Variants in RIPOR2 observed in about 807,000 individuals in gnomAD.
RIPOR2 encodes RHO family interacting cell polarization regulator 2.
Under a neutral mutation model 114.5 loss-of-function variants are expected in RIPOR2, and 39 were observed. That is an observed-to-expected ratio of 0.34 (90% CI 0.26 to 0.44). The LOEUF (loss-of-function observed/expected upper bound fraction) is 0.44. RIPOR2 is among the 20% of genes least tolerant of loss of function. RIPOR2 has a pLI of 1.00. For missense variants in RIPOR2, 1,007 were observed against 1,255.1 expected (o/e 0.80, Z 2.99); for synonymous variants, 445 against 484.4 (o/e 0.92, Z 1.07).
intron 1 of RIPOR2, among the ~76,000 whole-genome samples, chr6:24,903,628 T>C (rs111971979): frequency 1.3e-5 from 2 of 152,158 alleles, no homozygotes; most frequent in African/African-American, 4.8e-5. Flanking sequence ...GGGTACACAG[T>C]AGGTGTGTAT....
intron 12 of RIPOR2, among the ~76,000 whole-genome samples, chr6:24,846,580 A>G (rs182575939): frequency 3.3e-5 from 5 of 152,218 alleles, no homozygotes; most frequent in African/African-American, 9.6e-5. Context: ...TGCTGGGATT[A>G]TAGGTGTGAG....
chr6:24,930,371 A>G (rs1157660184), intron 1 of RIPOR2, among the ~76,000 whole-genome samples: 2 of 152,218 alleles, frequency 1.3e-5, no homozygotes, highest in Non-Finnish European at 1.5e-5. Context: ...TGCTGCTCAT[A>G]GAGATATTAA....
At chr6:24,998,582 A>C (rs1263261748) in intron 1 of RIPOR2, among the ~76,000 whole-genome samples, 2 of 152,188 alleles carry the variant, frequency 1.3e-5, no homozygotes, top group Admixed American at 6.5e-5. Flanking sequence ...AAAGCCTTTC[A>C]ACGTCTCTCC....
At chr6:24,992,582 A>G (rs1774869807) in intron 1 of RIPOR2, among the ~76,000 whole-genome samples, 1 of 152,216 alleles carries the variant, frequency 6.6e-6, no homozygotes, top group South Asian at 2.1e-4. Flanking sequence ...AGACACAAAT[A>G]GAAAAAATCT....
At chr6:24,947,533 G>C (rs958663171) in intron 1 of RIPOR2, among the ~76,000 whole-genome samples, 1 of 152,204 alleles carries the variant, frequency 6.6e-6, no homozygotes, top group Non-Finnish European at 1.5e-5. Flanking sequence ...CCTGTGGACC[G>C]AATTATGGAA....
At chr6:25,013,915 T>C (rs1302530006) in intron 1 of RIPOR2, among the ~76,000 whole-genome samples, 2 of 152,140 alleles carry the variant, frequency 1.3e-5, no homozygotes, top group African/African-American at 4.8e-5. Flanking sequence ...TTTAAAAGAT[T>C]ATGGAGTGAG....
intron 1 of RIPOR2, among the ~76,000 whole-genome samples, chr6:24,921,533 A>G (rs2114107631): frequency 6.6e-6 from 1 of 151,776 alleles, no homozygotes. Context: ...CTCTCCCCAG[A>G]CCTCCATATG....
intron 1 of RIPOR2, among the ~76,000 whole-genome samples, chr6:24,915,276 TC>T (rs1268777039): frequency 6.6e-6 from 1 of 152,102 alleles, no homozygotes. Flanking sequence ...AATAGTATAA[TC>T]TTTTGGCCTC....
At chr6:25,039,349 C>A (rs958420500) in intron 1 of RIPOR2, among the ~76,000 whole-genome samples, 2 of 152,172 alleles carry the variant, frequency 1.3e-5, no homozygotes, top group African/African-American at 4.8e-5. Flanking sequence ...GAAAATGCAA[C>A]CCTCCAAAAA....
rs554440751 is a variant in RIPOR2, at chr6:24,976,887, G to C, written c.76+64964C>G. On this transcript the variant is annotated intron_variant, in intron 1 of 13. Transcript: ENST00000510784. Reference sequence around the variant, plus strand: ...GTGGTCTTTGGCAAAGTGAAAGAAGGCATGAATATTGTGGAGGCCATGGAG... The same window carrying C: ...GTGGTCTTTGGCAAAGTGAAAGAAGCCATGAATATTGTGGAGGCCATGGAG... 2.2e-4 allele frequency: 361 copies of C among 1,607,248 alleles called. No individual in the cohort carries two copies. In the African/African-American group the frequency reaches 2.8e-3, roughly 13 times the overall value.
chr6:25,019,101 C>T (rs1338307260), intron 1 of RIPOR2, among the ~76,000 whole-genome samples: 2 of 152,150 alleles, frequency 1.3e-5, no homozygotes, highest in Admixed American at 6.5e-5. Context: ...GTCCGGCAAC[C>T]TTCAAAGGTG....
At chr6:24,829,334 T>C (rs992223610) in intron 17 of RIPOR2, among the ~76,000 whole-genome samples, 2 of 151,380 alleles carry the variant, frequency 1.3e-5, no homozygotes, top group Admixed American at 1.3e-4. Context: ...AATTAATTAA[T>C]TAAAAAAAAT....
intron 8 of RIPOR2, among the ~76,000 whole-genome samples, chr6:24,856,627 C>T (rs1025342477): frequency 3.9e-5 from 6 of 152,222 alleles, no homozygotes; most frequent in Non-Finnish European, 7.3e-5. Flanking sequence ...CGATGGTGGG[C>T]ATCTGTAATC....
intron 2 of RIPOR2, among the ~76,000 whole-genome samples, chr6:24,874,741 C>A (rs1476537288): frequency 1.8e-4 from 28 of 152,170 alleles, no homozygotes; most frequent in Admixed American, 1.8e-3. Context: ...CTATGAAATT[C>A]AACGAGGATG....
chr6:24,875,147 G>A (rs543876428), intron 2 of RIPOR2, among the ~76,000 whole-genome samples: 1 of 152,324 alleles, frequency 6.6e-6, no homozygotes, highest in South Asian at 2.1e-4. Context: ...GCCCCTCAGA[G>A]GGCAAAGACC....
chr6:24,963,638 T>A (rs1368306959), intron 1 of RIPOR2, among the ~76,000 whole-genome samples: 2 of 152,162 alleles, frequency 1.3e-5, no homozygotes, highest in African/African-American at 2.4e-5. Flanking sequence ...AGATCTCTCA[T>A]GGAATTTGCA....
At position 24,951,400 on chromosome 6, in the gene RIPOR2, G is replaced by A. The variant is rs540570165; in HGVS notation, c.77-75583C>T. Reference sequence around the variant, plus strand: ...CATTCATGAGTTTTGCAGTCGAATCGCTGTCTTTGCATGGTGTTGTCTGCC... The same window carrying A: ...CATTCATGAGTTTTGCAGTCGAATCACTGTCTTTGCATGGTGTTGTCTGCC... On this transcript the variant is annotated intron_variant, in intron 1 of 13. Transcript: ENST00000510784. Among the ~76,000 whole-genome samples, 332 of 152,250 alleles carry A rather than the reference G, an allele frequency of 2.2e-3. 1 individual carries two copies. Among genetic ancestry groups the A allele is most frequent in the Middle Eastern group, 6.8e-3 (2 of 294 alleles).
At chr6:24,875,550 T>C in intron 2 of RIPOR2, 141 bp downstream of exon 2, 1 of 743,376 alleles carries the variant, frequency 1.3e-6, no homozygotes, top group Non-Finnish European at 2.2e-6. Context: ...TTTTAGTACA[T>C]CCTTTCCATG....
At chr6:24,977,623 T>C (rs956524478) in intron 1 of RIPOR2, among the ~76,000 whole-genome samples, 1 of 152,148 alleles carries the variant, frequency 6.6e-6, no homozygotes, top group Non-Finnish European at 1.5e-5. Context: ...GTTTTGCTAA[T>C]AATCTCGATG....
Sources: gnomAD v4.1 joint callset for allele counts (sites outside exome capture counted in the v4.1 genomes callset) on GRCh38, gnomAD v4.1.1 for gene constraint, MANE v1.5 for transcripts, NCBI Gene and HGNC (gene_info 2026-07-23, HGNC 2026-07-21) for gene names.